Variants in FHIT observed in about 807,000 individuals in gnomAD.
FHIT encodes bis(5'-adenosyl)-triphosphatase.
FHIT carries 19 observed loss-of-function variants against 17.9 expected under a neutral mutation model. That is an observed-to-expected ratio of 1.06 (90% CI 0.74 to 1.56). FHIT has a LOEUF of 1.56. FHIT is among the 40% of genes most tolerant of loss of function. The probability of loss-of-function intolerance (pLI) is 0.00; values close to 1 mark genes in which losing one functional copy is unlikely to be tolerated. For missense variants in FHIT, 248 were observed against 189.2 expected (o/e 1.31, Z -1.82); for synonymous variants, 81 against 69.7 (o/e 1.16, Z -0.81).
At chr3:60,784,473 C>T (rs1376342891) in intron 4 of FHIT, among the ~76,000 whole-genome samples, 4 of 152,030 alleles carry the variant, frequency 2.6e-5, no homozygotes, top group South Asian at 4.1e-4. Context: ...GTAGCTGGGA[C>T]TACAGGCGTG....
chr3:60,724,209 C>T (rs1262742963), intron 4 of FHIT, among the ~76,000 whole-genome samples: 1 of 152,216 alleles, frequency 6.6e-6, no homozygotes, highest in Admixed American at 6.5e-5. Flanking sequence ...CTATTTTTGA[C>T]ACTTCACAAT....
At chr3:60,127,201 T>C (rs1705592135) in intron 5 of FHIT, among the ~76,000 whole-genome samples, 1 of 152,154 alleles carries the variant, frequency 6.6e-6, no homozygotes, top group African/African-American at 2.4e-5. Context: ...GTTTTTAAAA[T>C]AGACCCCAAC....
chr3:60,350,756 C>G (rs150123165), intron 5 of FHIT, among the ~76,000 whole-genome samples: 105 of 152,268 alleles, frequency 6.9e-4, no homozygotes, highest in African/African-American at 2.4e-3. Flanking sequence ...ATCCAGCCCC[C>G]TGTATTCATG....
chr3:59,960,973 A>G (rs1707648365), intron 7 of FHIT, among the ~76,000 whole-genome samples: 1 of 152,194 alleles, frequency 6.6e-6, no homozygotes, highest in African/African-American at 2.4e-5. Flanking sequence ...ACTCAAAAGG[A>G]CTATCTTTGA....
At chr3:60,560,355 G>A (rs1266540755) in intron 4 of FHIT, among the ~76,000 whole-genome samples, 1 of 151,960 alleles carries the variant, frequency 6.6e-6, no homozygotes, top group Non-Finnish European at 1.5e-5. Context: ...ATCTCCTTAA[G>A]GGCTGGGAAT....
chr3:60,057,549 A>G (rs761223170), intron 5 of FHIT, among the ~76,000 whole-genome samples: 3 of 152,228 alleles, frequency 2.0e-5, no homozygotes, highest in Non-Finnish European at 4.4e-5. Context: ...ACAAAGGATG[A>G]TATTGTGATT....
chr3:61,243,834 G>C (rs1398415481), intron 1 of FHIT, among the ~76,000 whole-genome samples: 1 of 152,130 alleles, frequency 6.6e-6, no homozygotes, highest in African/African-American at 2.4e-5. Flanking sequence ...GAGGGTAGGG[G>C]AGAAAGAGTG....
chr3:60,052,878 C>T (rs1015973194), intron 5 of FHIT, among the ~76,000 whole-genome samples: 1 of 151,226 alleles, frequency 6.6e-6, no homozygotes, highest in Non-Finnish European at 1.5e-5. Context: ...ATGTAACTTA[C>T]ACTAACAAAG....
At chr3:61,015,300 C>T (rs1239468281) in intron 3 of FHIT, among the ~76,000 whole-genome samples, 1 of 152,114 alleles carries the variant, frequency 6.6e-6, no homozygotes, top group African/African-American at 2.4e-5. Context: ...TCTGACCAGC[C>T]TCTCTGTATG....
At chr3:60,120,638 AT>A (rs981163729) in intron 5 of FHIT, among the ~76,000 whole-genome samples, 8 of 152,162 alleles carry the variant, frequency 5.3e-5, no homozygotes, top group Non-Finnish European at 8.8e-5. Flanking sequence ...TCTAAACAGC[AT>A]TTTTTAAAGG....
chr3:59,821,484 C>G (rs1700785960), intron 8 of FHIT, among the ~76,000 whole-genome samples: 1 of 152,132 alleles, frequency 6.6e-6, no homozygotes, highest in African/African-American at 2.4e-5. Flanking sequence ...TCCTCAAACC[C>G]ACCCCCTGGG....
chr3:59,794,090 C>G (rs534316633), intron 8 of FHIT, among the ~76,000 whole-genome samples: 2 of 152,148 alleles, frequency 1.3e-5, no homozygotes, highest in African/African-American at 4.8e-5. Context: ...AAAAAAAGAG[C>G]CTTATCCTCC....
intron 3 of FHIT, among the ~76,000 whole-genome samples, chr3:60,954,752 A>G (rs1709038872): frequency 6.6e-6 from 1 of 152,198 alleles, no homozygotes; most frequent in Non-Finnish European, 1.5e-5. Flanking sequence ...TTTCAAGATG[A>G]TCATAGAAGG....
chr3:59,871,247 A>G (rs926827532), intron 8 of FHIT, among the ~76,000 whole-genome samples: 4 of 152,168 alleles, frequency 2.6e-5, no homozygotes, highest in Non-Finnish European at 4.4e-5. Flanking sequence ...AGCCACCAGA[A>G]TGACATTTCT....
intron 5 of FHIT, among the ~76,000 whole-genome samples, chr3:60,134,361 C>T (rs1276841129): frequency 6.6e-6 from 1 of 152,172 alleles, no homozygotes; most frequent in Admixed American, 6.5e-5. Flanking sequence ...TTTTTATTCT[C>T]TACTTTAGAA....
Position 60,351,327 on chromosome 3 carries a change from T to A in FHIT, c.103+185533A>T, listed in dbSNP as rs143332042. Among the ~76,000 whole-genome samples, 535 of 152,286 alleles carry A rather than the reference T, an allele frequency of 3.5e-3. 2 individuals carry two copies. Among genetic ancestry groups the A allele is most frequent in the African/African-American group, 0.012 (498 of 41,560 alleles). On this transcript the variant is annotated intron_variant, in intron 5 of 9. Coordinates refer to ENST00000492590, the MANE Select transcript of FHIT (RefSeq NM_002012.4). ...AAGGAAGCAATACATTGAATTACAC[T>A]CAGACGCAAGCCACCTCATCTCACA...
intron 4 of FHIT, among the ~76,000 whole-genome samples, chr3:60,621,216 T>C (rs1553678427): frequency 6.8e-6 from 1 of 146,860 alleles, no homozygotes; most frequent in Non-Finnish European, 1.5e-5. Context: ...TGGCACTATC[T>C]GGACACACCA....
intron 5 of FHIT, among the ~76,000 whole-genome samples, chr3:60,322,530 T>G (rs542997686): frequency 6.6e-6 from 1 of 152,312 alleles, no homozygotes; most frequent in East Asian, 1.9e-4. Context: ...TCACTGACTT[T>G]TACAGGTTCA....
intron 3 of FHIT, among the ~76,000 whole-genome samples, chr3:60,944,235 T>C (rs1181728850): frequency 2.6e-5 from 4 of 152,200 alleles, no homozygotes; most frequent in Admixed American, 6.5e-5. Context: ...GAGAATATGC[T>C]TTAGGTTTTT....
Sources: gnomAD v4.1 joint callset for allele counts (sites outside exome capture counted in the v4.1 genomes callset) on GRCh38, gnomAD v4.1.1 for gene constraint, MANE v1.5 for transcripts, NCBI Gene and HGNC (gene_info 2026-07-23, HGNC 2026-07-21) for gene names.